Variants in TIA1 observed in about 807,000 individuals in gnomAD.
The protein encoded by TIA1 is cytotoxic granule associated RNA binding protein TIA1.
TIA1 carries 23 observed loss-of-function variants against 65.9 expected under a neutral mutation model. That is an observed-to-expected ratio of 0.35 (90% CI 0.25 to 0.49). The LOEUF (loss-of-function observed/expected upper bound fraction) is 0.49, where lower values mean the gene tolerates loss of function less well. Among genes scored for constraint, TIA1 ranks in the 20% least tolerant of loss-of-function variants. The pLI, the probability that TIA1 is intolerant of heterozygous loss-of-function variation, is 0.98. For synonymous variants in TIA1, 147 were observed against 149.4 expected, an observed-to-expected ratio of 0.98 and a Z score of 0.12; for missense variants, 371 against 477.9, an observed-to-expected ratio of 0.78 and a Z score of 2.09.
At chr2:70,245,984 C>T (rs1374995259) in intron 1 of TIA1, among the ~76,000 whole-genome samples, 1 of 140,966 alleles carries the variant, frequency 7.1e-6, no homozygotes, top group South Asian at 2.2e-4. Flanking sequence ...AGTGCAATGG[C>T]GCAACCTCGG....
intron 1 of TIA1, among the ~76,000 whole-genome samples, chr2:70,244,933 A>G (rs1252601132): frequency 2.6e-5 from 4 of 151,910 alleles, no homozygotes; most frequent in Admixed American, 2.6e-4. Context: ...AGAGTGGAGT[A>G]GACAACAAGA....
At chr2:70,244,430 C>T (rs978576004) in intron 1 of TIA1, among the ~76,000 whole-genome samples, 5 of 152,192 alleles carry the variant, frequency 3.3e-5, no homozygotes, top group East Asian at 1.9e-4. Context: ...ATGTAGTATG[C>T]TCTCAATATT....
chr2:70,247,654 T>C (rs1180241015), intron 1 of TIA1, among the ~76,000 whole-genome samples: 1 of 152,074 alleles, frequency 6.6e-6, no homozygotes, highest in East Asian at 1.9e-4. Context: ...TCTGTAAATA[T>C]GTTAGGGCAT....
At chr2:70,243,781 A>G (rs1284187739) in intron 1 of TIA1, among the ~76,000 whole-genome samples, 2 of 152,226 alleles carry the variant, frequency 1.3e-5, no homozygotes, top group Non-Finnish European at 2.9e-5. Context: ...GCCACATCTA[A>G]GCCACTGGTA....
chr2:70,220,682 T>C (rs1025100891), intron 7 of TIA1, among the ~76,000 whole-genome samples: 1 of 151,920 alleles, frequency 6.6e-6, no homozygotes, highest in African/African-American at 2.4e-5. Context: ...GATACTTTGA[T>C]ACAGCTCCTC....
At chr2:70,243,330 G>C (rs1031469491) in intron 1 of TIA1, among the ~76,000 whole-genome samples, 1 of 152,152 alleles carries the variant, frequency 6.6e-6, no homozygotes, top group Non-Finnish European at 1.5e-5. Flanking sequence ...AGGAGGCTGA[G>C]GTGGGAAGAT....
At chr2:70,247,750 G>C (rs1695033331) in intron 1 of TIA1, among the ~76,000 whole-genome samples, 1 of 152,106 alleles carries the variant, frequency 6.6e-6, no homozygotes, top group African/African-American at 2.4e-5. Context: ...CCCCTCAATT[G>C]ATATATTCCT....
chr2:70,228,560 T>C (rs766993144), intron 5 of TIA1: 312 of 1,099,734 alleles, frequency 2.8e-4, no homozygotes, highest in Non-Finnish European at 3.3e-4. Flanking sequence ...CTGAAGTTTT[T>C]AAAAAAGACA....
chr2:70,237,584 G>C (rs989642182), intron 1 of TIA1, among the ~76,000 whole-genome samples: 1 of 152,010 alleles, frequency 6.6e-6, no homozygotes, highest in African/African-American at 2.4e-5. Flanking sequence ...TACAATAATG[G>C]CTGGGCGAGG....
chr2:70,215,317 TA>T, intron 11 of TIA1, 53 bp downstream of exon 11: 1 of 1,607,190 alleles, frequency 6.2e-7, no homozygotes, highest in Non-Finnish European at 8.5e-7. Flanking sequence ...ATCTTCACCT[TA>T]AAATAACATT....
At chr2:70,218,321 A>G (rs868025827) in intron 7 of TIA1, among the ~76,000 whole-genome samples, 8 of 152,382 alleles carry the variant, frequency 5.2e-5, no homozygotes, top group Middle Eastern at 3.4e-3. Context: ...TATGCATCTG[A>G]AAGCAGCATG....
chr2:70,234,996 G>C (rs1688156290), intron 2 of TIA1, among the ~76,000 whole-genome samples: 1 of 152,122 alleles, frequency 6.6e-6, no homozygotes, highest in East Asian at 1.9e-4. Flanking sequence ...ATAGCAGGCT[G>C]GGTGCAATGG....
At chr2:70,212,879 G>A in intron 12 of TIA1, 34 bp from the exon 13 acceptor site, 1 of 1,401,438 alleles carries the variant, frequency 7.1e-7, no homozygotes, top group Non-Finnish European at 1.0e-6. Flanking sequence ...AGAGGGGAGA[G>A]GAAATCCACT....
chr2:70,233,752 T>A lies in TIA1; in HGVS notation c.123+2327A>T, dbSNP rs561502110. 4.7e-5 allele frequency among the ~76,000 whole-genome samples: 7 copies of A among 149,648 alleles called. No individual in the cohort carries two copies. In the South Asian group the frequency reaches 1.5e-3, roughly 32 times the overall value. On this transcript the variant is annotated intron_variant, in intron 2 of 12. Transcript: ENST00000433529. Reference sequence around the variant, plus strand: ...TTGCACTCCAGCCTGGGCAACAGAGTGAGACTCTGTCTAAAAAAAAAAAAA... The same window carrying A: ...TTGCACTCCAGCCTGGGCAACAGAGAGAGACTCTGTCTAAAAAAAAAAAAA...
intron 1 of TIA1, among the ~76,000 whole-genome samples, chr2:70,237,931 G>A (rs1367365488): frequency 1.1e-4 from 16 of 152,000 alleles, no homozygotes; most frequent in African/African-American, 3.6e-4. Flanking sequence ...GGAGGCCGAG[G>A]TGGGCGGATC....
intron 12 of TIA1, 89 bp from the exon 13 acceptor site, chr2:70,212,934 T>A (rs1017008375): frequency 2.5e-6 from 2 of 794,834 alleles, no homozygotes; most frequent in African/African-American, 3.4e-5. Context: ...AGAACAAATA[T>A]GGGAAATGGG....
chr2:70,239,671 A>C (rs946146073), intron 1 of TIA1, among the ~76,000 whole-genome samples: 3 of 152,254 alleles, frequency 2.0e-5, no homozygotes, highest in African/African-American at 7.2e-5. Context: ...GCTTAACACG[A>C]AGCCTTTGGA....
intron 1 of TIA1, among the ~76,000 whole-genome samples, chr2:70,245,388 A>G (rs1044402365): frequency 2.6e-5 from 4 of 152,216 alleles, no homozygotes; most frequent in Non-Finnish European, 5.9e-5. Context: ...GAGAACACTC[A>G]TGCATTTGAG....
intron 1 of TIA1, among the ~76,000 whole-genome samples, chr2:70,236,716 T>C (rs1043345540): frequency 6.6e-6 from 1 of 152,090 alleles, no homozygotes; most frequent in Non-Finnish European, 1.5e-5. Flanking sequence ...AATCTCCACC[T>C]CCTGGGCACA....
Sources: allele counts gnomAD v4.1 joint callset (sites outside exome capture counted in the v4.1 genomes callset), GRCh38; gene constraint gnomAD v4.1.1; transcripts MANE v1.5; gene names NCBI Gene and HGNC (gene_info 2026-07-23, HGNC 2026-07-21).